The following CCNG2 variants were observed in gnomAD, a reference collection of about 807,000 sequenced individuals.
CCNG2 encodes cyclin G2, also known as cyclin-G2.
CCNG2 carries 20 observed loss-of-function variants against 36.5 expected under a neutral mutation model. The ratio of observed to expected loss-of-function variants is 0.55; its 90% CI spans 0.39 to 0.80. The LOEUF is 0.80. CCNG2 is among the 30% of genes least tolerant of loss of function. The probability of loss-of-function intolerance (pLI) is 0.00; values close to 1 mark genes in which losing one functional copy is unlikely to be tolerated. For synonymous variants in CCNG2, 155 were observed against 140.1 expected (o/e 1.11, Z -0.75); for missense variants, 358 against 390.8 (o/e 0.92, Z 0.71).
intron 1 of CCNG2, 62 bp from the exon 2 acceptor site, chr4:77,158,469 TTC>T: frequency 1.3e-6 from 2 of 1,568,322 alleles, no homozygotes; most frequent in Non-Finnish European, 1.8e-6. Flanking sequence ...CCTCAGCCCT[TTC>T]TCCCGCTTCC....
rs762680430 is a variant in CCNG2, at chr4:77,160,779, T to C, written c.335T>C (p.Ile112Thr). ...GVCSFLLAAR[I>T]VEEDCNIPST... ...TGTTCTTTTTTGCTGGCTGCTAGAA[T>C]AGTTGAAGAAGACTGCAATATTCCA... is the stretch of plus-strand genomic sequence containing the variant. The change falls in exon 4 of 8, where the codon ATA becomes ACA. Residue 112 changes from isoleucine (I) to threonine (T), a missense_variant. Ile to Thr is a moderately conservative substitution (Grantham distance 89, BLOSUM62 -1). Transcript: ENST00000316355. 5.6e-6 allele frequency: 9 copies of C among 1,614,020 alleles called. No individual in the cohort carries two copies. The highest frequency in any genetic ancestry group is 6.8e-6 in the Non-Finnish European group (8 of 1,179,928).
chr4:77,160,600 C>T (rs1337661126), intron 3 of CCNG2, 121 bp from the exon 4 acceptor site: 18 of 901,138 alleles, frequency 2.0e-5, no homozygotes, highest in Admixed American at 7.2e-5. Flanking sequence ...AGAGCCAGTA[C>T]ATATAAGAGA....
Position 77,168,595 on chromosome 4 carries a change from A to G in CCNG2, c.*2671A>G, listed in dbSNP as rs545352032. The G allele has an allele frequency of 2.0e-5, 3 of 152,292 alleles. No individual in the cohort carries two copies. Among genetic ancestry groups the G allele is most frequent in the African/African-American group, 4.8e-5 (2 of 41,552 alleles). The allele number at this position is 152,292 out of a possible 1,614,324, so 9.4% of individuals were successfully genotyped here. ...GTATTGAGAAAGAACTCTGTTAGCT[A>G]TACAGAAGATGAACTGGGCAATATA... On this transcript the variant is annotated 3_prime_UTR_variant, in exon 8 of 8. Coordinates refer to ENST00000316355, the MANE Select transcript of CCNG2 (RefSeq NM_004354.3).
chr4:77,169,803 C>T lies in CCNG2; in HGVS notation c.*3879C>T, dbSNP rs546760234. On this transcript the variant is annotated 3_prime_UTR_variant, in exon 8 of 8. Coordinates refer to ENST00000316355, the MANE Select transcript of CCNG2 (RefSeq NM_004354.3). ...ACAGAAAACAGAGGAACTACTCAGT[C>T]GATCCCAATCAACCCACAGACTCAC... 4 of 152,274 alleles carry T rather than the reference C, an allele frequency of 2.6e-5. No homozygotes were observed. Among genetic ancestry groups the T allele is most frequent in the South Asian group, 4.2e-4 (2 of 4,810 alleles). The allele number at this position is 152,274 out of a possible 1,614,324, so 9.4% of individuals were successfully genotyped here.
At chr4:77,163,643 A>G (rs1245550190) in intron 6 of CCNG2, among the ~76,000 whole-genome samples, 1 of 152,264 alleles carries the variant, frequency 6.6e-6, no homozygotes, top group Non-Finnish European at 1.5e-5. Context: ...ATTCGTTGAA[A>G]TAAACTGAAG....
chr4:77,158,436 G>GC, intron 1 of CCNG2, 97 bp from the exon 2 acceptor site: 1 of 1,254,258 alleles, frequency 8.0e-7, no homozygotes. Context: ...GTGTGCTGGG[G>GC]CGACCCTTGC....
intron 1 of CCNG2, among the ~76,000 whole-genome samples, chr4:77,158,083 C>T (rs1156304993): frequency 3.9e-5 from 6 of 152,078 alleles, no homozygotes; most frequent in Non-Finnish European, 7.4e-5. Flanking sequence ...GGAGTCTCCT[C>T]CCTCCGCTTC....
At chr4:77,158,026 T>C (rs992760498) in intron 1 of CCNG2, among the ~76,000 whole-genome samples, 61 of 151,944 alleles carry the variant, frequency 4.0e-4, no homozygotes, top group Non-Finnish European at 5.9e-4. Context: ...GGCGGGACTC[T>C]CCGAGAGGGG....
rs555537901 is a variant in CCNG2 at position 77,160,531 on chromosome 4, T to TGGG, written c.277-180_277-178dup. ...CACTGTTCCCTGCTGCCTTTTTTTT[T>TGGG]GGGGGGGGGGGGAGGTCGAGAACGT... On this transcript the variant is annotated intron_variant, in intron 3 of 7. Coordinates refer to ENST00000316355, the MANE Select transcript of CCNG2 (RefSeq NM_004354.3). 4.6e-3 allele frequency among the ~76,000 whole-genome samples: 498 copies of TGGG among 107,242 alleles called. 19 individuals are homozygous for TGGG. Among genetic ancestry groups the TGGG allele is most frequent in the African/African-American group, 0.01 (239 of 23,002 alleles). 70.4% of individuals were successfully genotyped at this position (107,242 alleles called of 152,430 possible).
chr4:77,161,842 C>CT, intron 6 of CCNG2, 95 bp downstream of exon 6: 1 of 725,972 alleles, frequency 1.4e-6, no homozygotes, highest in Non-Finnish European at 2.3e-6. Context: ...TTATGGGACT[C>CT]TTAACTTTTA....
At chr4:77,160,378 A>G (rs1330694101) in intron 3 of CCNG2, among the ~76,000 whole-genome samples, 1 of 146,558 alleles carries the variant, frequency 6.8e-6, no homozygotes, top group Admixed American at 6.8e-5. Flanking sequence ...TTTTTTTTAA[A>G]TAGAGATGGA....
At chr4:77,164,239 C>CCTCTTAAA in intron 6 of CCNG2, 35 bp from the exon 7 acceptor site, 1 of 1,508,542 alleles carries the variant, frequency 6.6e-7, no homozygotes, top group Non-Finnish European at 9.2e-7. Context: ...ATTTGGGAGA[C>CCTCTTAAA]ATTGCCGTAA....
intron 3 of CCNG2, among the ~76,000 whole-genome samples, chr4:77,160,482 A>G (rs1731398024): frequency 6.9e-6 from 1 of 144,128 alleles, no homozygotes; most frequent in Non-Finnish European, 1.5e-5. Flanking sequence ...AGCCTCCCAA[A>G]GTCCTGGGAT....
rs529813462 is a variant in CCNG2 at position 77,169,777 on chromosome 4, C to T, written c.*3853C>T. The T allele has an allele frequency of 3.3e-5, 5 of 152,148 alleles. No individual in the cohort carries two copies. Among genetic ancestry groups the T allele is most frequent in the African/African-American group, 9.7e-5 (4 of 41,428 alleles). 9.4% of individuals were successfully genotyped at this position (152,148 alleles called of 1,614,324 possible). A position where few individuals can be genotyped will look rare whatever the true frequency, so the allele number is the denominator to read the frequency against. On this transcript the variant is annotated 3_prime_UTR_variant, in exon 8 of 8. Coordinates refer to ENST00000316355, the MANE Select transcript of CCNG2 (RefSeq NM_004354.3). ...AATGTGGGTGTATCCTCAGCTACAC[C>T]ACAGAAAACAGAGGAACTACTCAGT...
At chr4:77,157,936 C>G (rs915575928) in intron 1 of CCNG2, among the ~76,000 whole-genome samples, 26 of 152,082 alleles carry the variant, frequency 1.7e-4, no homozygotes, top group Non-Finnish European at 3.2e-4. Flanking sequence ...CCGCGCCACC[C>G]CAGGGCTCCT....
chr4:77,160,574 G>T, intron 3 of CCNG2, 147 bp from the exon 4 acceptor site: 3 of 632,454 alleles, frequency 4.7e-6, no homozygotes, highest in Non-Finnish European at 7.8e-6. Context: ...GTGAAAATGT[G>T]TATAATTGTG....
In CCNG2 at chr4:77,165,935, G is replaced by C; in HGVS notation, c.*11G>C. The C allele has an allele frequency of 1.3e-6, 2 of 1,589,530 alleles. No individual in the cohort carries two copies. Among genetic ancestry groups the C allele is most frequent in the Non-Finnish European group, 1.7e-6 (2 of 1,172,464 alleles). On this transcript the variant is annotated 3_prime_UTR_variant, in exon 8 of 8. Coordinates refer to ENST00000316355, the MANE Select transcript of CCNG2 (RefSeq NM_004354.3). ...TGCTTTCCATCTTAGAAATCTGATT[G>C]TTCTGTCAGAATTTATATTTACAGG...
rs1391320138 is a variant in CCNG2 at position 77,167,815 on chromosome 4, G to A, written c.*1891G>A. 6 of 152,194 alleles carry A rather than the reference G, an allele frequency of 3.9e-5. No homozygotes were observed. In the South Asian group the frequency reaches 1.2e-3, roughly 32 times the overall value. 9.4% of individuals were successfully genotyped at this position (152,194 alleles called of 1,614,324 possible). ...TATGTTTTCCTACCCTTCTAGTGGA[G>A]AATCCTACTTGAGGATGACCTTTCC... On this transcript the variant is annotated 3_prime_UTR_variant, in exon 8 of 8. Transcript: ENST00000316355.
rs772709047 is a variant in CCNG2, at chr4:77,161,495, C to A, written c.543C>A (p.Ser181Arg). Residue 181 changes from serine (S) to arginine (R), a missense_variant, in exon 5 of 8, where the codon AGC becomes AGA. By Grantham distance (110) the Ser-to-Arg change is moderately radical. Coordinates refer to ENST00000316355, the MANE Select transcript of CCNG2 (RefSeq NM_004354.3). ...CHTSERKEILSLDKLEAQLKA... is the reference protein window; with the variant it reads ...CHTSERKEILRLDKLEAQLKA... ...CATTGTATAGGAAAGAAATACTGAG[C>A]CTTGATAAACTAGAAGCTCAGCTGA... The A allele has an allele frequency of 2.0e-5, 32 of 1,602,848 alleles. No homozygotes were observed. Among genetic ancestry groups the A allele is most frequent in the Non-Finnish European group, 2.6e-5 (31 of 1,175,418 alleles).
Sources: gnomAD v4.1 joint callset for allele counts (sites outside exome capture counted in the v4.1 genomes callset) on GRCh38, gnomAD v4.1.1 for gene constraint, MANE v1.5 for transcripts, NCBI Gene and HGNC (gene_info 2026-07-23, HGNC 2026-07-21) for gene names.